Variants in SND1 observed in about 807,000 individuals in gnomAD.
SND1 encodes staphylococcal nuclease domain-containing protein 1.
Under a neutral mutation model 121.7 loss-of-function variants are expected in SND1, and 38 were observed. The observed-to-expected ratio is 0.31, with a 90% CI of 0.24 to 0.41. SND1 has a LOEUF of 0.41. Among genes scored for constraint, SND1 ranks in the 10% least tolerant of loss-of-function variants. The pLI, the probability that SND1 is intolerant of heterozygous loss-of-function variation, is 1.00. For missense variants in SND1, 868 were observed against 1,184.6 expected (o/e 0.73, Z 3.92); for synonymous variants, 401 against 447.4 (o/e 0.90, Z 1.31).
rs146595913 is a variant in SND1, at chr7:127,925,207, T to C, written c.1528-3981T>C. Among the ~76,000 whole-genome samples the C allele has an allele frequency of 2.8e-3, 431 of 152,336 alleles. 2 individuals carry two copies. The highest frequency in any genetic ancestry group is 9.6e-3 in the African/African-American group (401 of 41,570). Reference sequence around the variant, plus strand: ...TTCTAAGAGTACAGGAAAATACTTATGTATAGTTTGCTGTAGAGCACAGGT... The same window carrying C: ...TTCTAAGAGTACAGGAAAATACTTACGTATAGTTTGCTGTAGAGCACAGGT... On this transcript the variant is annotated intron_variant, in intron 14 of 23. Transcript: ENST00000354725.
intron 10 of SND1, among the ~76,000 whole-genome samples, chr7:127,755,115 G>T (rs1797170593): frequency 6.6e-6 from 1 of 152,154 alleles, no homozygotes; most frequent in African/African-American, 2.4e-5. Flanking sequence ...TTGGGTAAAT[G>T]ATGCCAAGAA....
intron 10 of SND1, among the ~76,000 whole-genome samples, chr7:127,807,208 G>T (rs771572030): frequency 1.3e-5 from 2 of 152,136 alleles, no homozygotes; most frequent in African/African-American, 4.8e-5. Flanking sequence ...TACAGTTTAT[G>T]CCTCTATGTC....
chr7:127,852,158 T>C (rs1799174960), intron 12 of SND1, among the ~76,000 whole-genome samples: 1 of 132,496 alleles, frequency 7.5e-6, no homozygotes, highest in African/African-American at 2.7e-5. Flanking sequence ...AGACTCAGTC[T>C]CCAAAAAAAT....
At chr7:127,881,234 C>T (rs1282290050) in intron 12 of SND1, among the ~76,000 whole-genome samples, 3 of 152,132 alleles carry the variant, frequency 2.0e-5, no homozygotes, top group African/African-American at 7.2e-5. Flanking sequence ...CCATCTCACC[C>T]CTCCCCTATG....
At chr7:128,056,999 A>C (rs780939134) in intron 16 of SND1, among the ~76,000 whole-genome samples, 2 of 152,178 alleles carry the variant, frequency 1.3e-5, no homozygotes, top group Non-Finnish European at 2.9e-5. Context: ...ACAGGCGGGT[A>C]GCATCTACAG....
intron 15 of SND1, among the ~76,000 whole-genome samples, chr7:127,986,091 G>A (rs1802382391): frequency 6.6e-6 from 1 of 152,134 alleles, no homozygotes; most frequent in Non-Finnish European, 1.5e-5. Context: ...CACATTCTGA[G>A]TCCTGAGACT....
At chr7:127,654,187 C>T (rs937377759) in intron 1 of SND1, among the ~76,000 whole-genome samples, 4 of 152,186 alleles carry the variant, frequency 2.6e-5, no homozygotes, top group Admixed American at 1.3e-4. Context: ...GGATTCTGTG[C>T]GGTGACTGCC....
chr7:127,772,436 A>C (rs1291444673), intron 10 of SND1, among the ~76,000 whole-genome samples: 2 of 152,010 alleles, frequency 1.3e-5, no homozygotes, highest in Non-Finnish European at 2.9e-5. Flanking sequence ...ACACACACAC[A>C]CCCCAAAAAC....
intron 16 of SND1, among the ~76,000 whole-genome samples, chr7:127,995,573 C>CCTTG (rs1802628020): frequency 6.6e-6 from 1 of 152,236 alleles, no homozygotes; most frequent in African/African-American, 2.4e-5. Flanking sequence ...TTCTTTTCTG[C>CCTTG]CTTGGCATTC....
intron 15 of SND1, among the ~76,000 whole-genome samples, chr7:127,943,610 A>G (rs1333538837): frequency 2.6e-5 from 4 of 152,250 alleles, no homozygotes; most frequent in South Asian, 2.1e-4. Context: ...AGCTGTGCCT[A>G]TGAGGGCAAG....
At chr7:127,660,835 G>A (rs1270302536) in intron 1 of SND1, among the ~76,000 whole-genome samples, 1 of 152,264 alleles carries the variant, frequency 6.6e-6, no homozygotes, top group East Asian at 1.9e-4. Context: ...AGAGAAAGGA[G>A]CCCAGTGATT....
rs961758182 is a variant in SND1 at position 127,652,692 on chromosome 7, C to G, written c.78+241C>G. Among the ~76,000 whole-genome samples, 11 of 152,328 alleles carry G rather than the reference C, an allele frequency of 7.2e-5. No individual in the cohort carries two copies. The East Asian group carries it at 1.7e-3, about 24-fold the overall frequency. ...CAGTGATTTCCGAGGTTGCGGCATT[C>G]GGATCTCCTGTCTGTTTACCAGGAC... is the stretch of plus-strand genomic sequence containing the variant. On this transcript the variant is annotated intron_variant, in intron 1 of 23. Transcript: ENST00000354725.
intron 10 of SND1, among the ~76,000 whole-genome samples, chr7:127,731,552 A>G (rs1185531143): frequency 1.3e-5 from 2 of 151,890 alleles, no homozygotes; most frequent in African/African-American, 2.4e-5. Flanking sequence ...ACTCTCCTAA[A>G]GCTTTTTGGC....
At chr7:127,904,689 C>A in intron 13 of SND1, 58 bp from the exon 14 acceptor site, 1 of 1,203,208 alleles carries the variant, frequency 8.3e-7, no homozygotes, top group Non-Finnish European at 1.2e-6. Context: ...TTTGCACCCT[C>A]CTACCCCTTC....
intron 16 of SND1, among the ~76,000 whole-genome samples, chr7:128,047,725 G>A (rs564842952): frequency 3.3e-5 from 5 of 152,156 alleles, no homozygotes; most frequent in Non-Finnish European, 7.3e-5. Flanking sequence ...TTTGTGCCCC[G>A]TCATTGACCC....
chr7:127,670,054 G>C (rs565417784), intron 1 of SND1, among the ~76,000 whole-genome samples: 2 of 150,856 alleles, frequency 1.3e-5, no homozygotes, highest in African/African-American at 4.9e-5. Flanking sequence ...GCAGTGGCGT[G>C]ATCTCGGCTT....
At chr7:127,943,807 G>A (rs940634158) in intron 15 of SND1, among the ~76,000 whole-genome samples, 5 of 152,178 alleles carry the variant, frequency 3.3e-5, no homozygotes, top group African/African-American at 1.2e-4. Context: ...CTCCTTAACT[G>A]TGCTGATGAA....
intron 13 of SND1, among the ~76,000 whole-genome samples, chr7:127,899,525 T>C (rs1403133716): frequency 6.6e-6 from 1 of 152,028 alleles, no homozygotes; most frequent in Admixed American, 6.5e-5. Flanking sequence ...ATGGGCCTAA[T>C]TGGATTAGGA....
intron 10 of SND1, among the ~76,000 whole-genome samples, chr7:127,753,113 C>A (rs1026600262): frequency 9.2e-5 from 14 of 152,256 alleles, no homozygotes; most frequent in African/African-American, 3.4e-4. Context: ...CAAATAGTGT[C>A]CCCCATCAGA....
Sources: allele counts gnomAD v4.1 joint callset (sites outside exome capture counted in the v4.1 genomes callset), GRCh38; gene constraint gnomAD v4.1.1; transcripts MANE v1.5; gene names NCBI Gene and HGNC (gene_info 2026-07-23, HGNC 2026-07-21).